The following COX16 variants were observed in gnomAD, a reference collection of about 807,000 sequenced individuals.
COX16 encodes cytochrome c oxidase assembly protein COX16 homolog, mitochondrial.
A neutral mutation model predicts 15.4 loss-of-function variants in COX16; 12 were observed. The observed-to-expected ratio is 0.78, with a 90% CI of 0.50 to 1.26. COX16 has a LOEUF of 1.26. Among genes scored for constraint, COX16 ranks in the 50% most tolerant of loss-of-function variants. COX16 has a pLI of 0.00. For synonymous variants in COX16, 46 were observed against 41.1 expected (o/e 1.12, Z -0.46); for missense variants, 124 against 127.6 (o/e 0.97, Z 0.14).
At chr14:70,342,813 A>G (rs1270287368) in intron 1 of COX16, 84 bp from the exon 2 acceptor site, 1 of 1,414,414 alleles carries the variant, frequency 7.1e-7, no homozygotes. Context: ...TTTCTAAACA[A>G]CAATAGAGGC....
At chr14:70,352,182 TTTTA>T (rs996844509) in intron 1 of COX16, among the ~76,000 whole-genome samples, 2 of 152,172 alleles carry the variant, frequency 1.3e-5, no homozygotes, top group South Asian at 2.1e-4. Context: ...GTCTGTACTT[TTTTA>T]TTTATTTATT....
chr14:70,350,378 C>A (rs1403306223), intron 1 of COX16, among the ~76,000 whole-genome samples: 4 of 152,186 alleles, frequency 2.6e-5, no homozygotes, highest in African/African-American at 9.7e-5. Flanking sequence ...TTTTAGGCCT[C>A]AGCCCGCCTG....
At position 70,329,216 on chromosome 14, in the gene COX16, T is replaced by C. The variant is rs1227640492; in HGVS notation, c.162A>G (p.Lys54=). The change falls in exon 3 of 4, where the codon AAA becomes AAG. Residue 54 remains lysine, a synonymous_variant. Coordinates refer to ENST00000389912, the MANE Select transcript of COX16 (RefSeq NM_016468.7). ...VKSKMDPELE[K]KLKENKISLE... is the part of the protein sequence containing the mutation. ...AAGATATTTTATTCTCTTTCAGTTTTTTTTCAAGCTCAGGATCCATCTGTA... is the reference window on the plus strand; with the variant it reads ...AAGATATTTTATTCTCTTTCAGTTTCTTTTCAAGCTCAGGATCCATCTGTA... The C allele has an allele frequency of 1.2e-6, 2 of 1,607,952 alleles. No homozygotes were observed. Among genetic ancestry groups the C allele is most frequent in the East Asian group, 2.2e-5 (1 of 44,502 alleles).
chr14:70,330,158 G>GA (rs1566596645), intron 2 of COX16, among the ~76,000 whole-genome samples: 2 of 151,948 alleles, frequency 1.3e-5, no homozygotes, highest in South Asian at 4.1e-4. Flanking sequence ...TTGATTAAGA[G>GA]AAAAAAGAGA....
intron 1 of COX16, among the ~76,000 whole-genome samples, chr14:70,349,716 C>T (rs1886889412): frequency 1.3e-5 from 2 of 152,186 alleles, no homozygotes; most frequent in African/African-American, 2.4e-5. Flanking sequence ...TTTTATAGTC[C>T]CTTTGCAATC....
intron 1 of COX16, among the ~76,000 whole-genome samples, chr14:70,358,741 T>A (rs1373444413): frequency 6.6e-6 from 1 of 152,176 alleles, no homozygotes; most frequent in Non-Finnish European, 1.5e-5. Flanking sequence ...TACTAACACA[T>A]CAAGGCTTGC....
chr14:70,325,209 A>C lies in COX16; in HGVS notation c.*1124T>G, dbSNP rs1170777149. On this transcript the variant is annotated 3_prime_UTR_variant, in exon 4 of 4. Coordinates refer to ENST00000389912, the MANE Select transcript of COX16 (RefSeq NM_016468.7). Reference sequence around the variant, plus strand: ...ACAGGAGTGTTTCAATGGAGACTTTAGGCAACTAGAACTCAGCATGAAACC... The same window carrying C: ...ACAGGAGTGTTTCAATGGAGACTTTCGGCAACTAGAACTCAGCATGAAACC... The C allele has an allele frequency of 2.0e-5, 3 of 152,218 alleles. No individual in the cohort carries two copies. Among genetic ancestry groups the C allele is most frequent in the Non-Finnish European group, 2.9e-5 (2 of 68,042 alleles). 9.4% of individuals were successfully genotyped at this position (152,218 alleles called of 1,614,324 possible). A position where few individuals can be genotyped will look rare whatever the true frequency, so the allele number is the denominator to read the frequency against.
intron 2 of COX16, among the ~76,000 whole-genome samples, chr14:70,338,143 T>C (rs1446632932): frequency 6.6e-6 from 1 of 152,226 alleles, no homozygotes; most frequent in Non-Finnish European, 1.5e-5. Flanking sequence ...AGACAGGGTC[T>C]CGCTCTGTCA....
At chr14:70,328,412 G>C (rs1886163525) in intron 3 of COX16, among the ~76,000 whole-genome samples, 1 of 151,972 alleles carries the variant, frequency 6.6e-6, no homozygotes, top group Non-Finnish European at 1.5e-5. Context: ...AAAATGACCA[G>C]ACATATACAA....
At chr14:70,332,820 C>T (rs988079941) in intron 2 of COX16, among the ~76,000 whole-genome samples, 1 of 152,216 alleles carries the variant, frequency 6.6e-6, no homozygotes, top group African/African-American at 2.4e-5. Context: ...ACCCATCCTG[C>T]CTATGCAGAG....
At chr14:70,345,210 G>A (rs1303756783) in intron 1 of COX16, among the ~76,000 whole-genome samples, 2 of 152,186 alleles carry the variant, frequency 1.3e-5, no homozygotes, top group African/African-American at 4.8e-5. Flanking sequence ...TTCCTCAGGG[G>A]CCCAGTTAGC....
Position 70,346,967 on chromosome 14 carries a change from C to T in COX16, c.70-4238G>A, listed in dbSNP as rs112264684. Among the ~76,000 whole-genome samples the T allele has an allele frequency of 8.7e-3, 1,321 of 152,218 alleles. 11 individuals are homozygous for T. The highest frequency in any genetic ancestry group is 0.014 in the Non-Finnish European group (980 of 68,004). ...CCTCGGGGCATCTAACTTTCTTCTACTCCTCCAACCTGCCACCTTAAAACA... is the reference window on the plus strand; with the variant it reads ...CCTCGGGGCATCTAACTTTCTTCTATTCCTCCAACCTGCCACCTTAAAACA... On this transcript the variant is annotated intron_variant, in intron 1 of 3. Coordinates refer to ENST00000389912, the MANE Select transcript of COX16 (RefSeq NM_016468.7).
intron 2 of COX16, among the ~76,000 whole-genome samples, chr14:70,330,811 TTTC>T (rs779981631): frequency 1.1e-4 from 17 of 152,160 alleles, no homozygotes; most frequent in Non-Finnish European, 2.2e-4. Context: ...GATTGCACAA[TTTC>T]TTATCTATTA....
chr14:70,356,853 C>A (rs997557605), intron 1 of COX16, among the ~76,000 whole-genome samples: 3 of 151,950 alleles, frequency 2.0e-5, no homozygotes, highest in Non-Finnish European at 4.4e-5. Flanking sequence ...ACAGTATTTA[C>A]CTAAGAAAAA....
intron 2 of COX16, among the ~76,000 whole-genome samples, chr14:70,338,522 C>T (rs756976067): frequency 4.6e-5 from 7 of 152,178 alleles, no homozygotes; most frequent in Non-Finnish European, 7.3e-5. Context: ...ATAGAAAGCA[C>T]GATCCTTGGT....
chr14:70,353,471 T>C (rs1257946301), intron 1 of COX16, among the ~76,000 whole-genome samples: 2 of 145,406 alleles, frequency 1.4e-5, no homozygotes, highest in Non-Finnish European at 3.0e-5. Flanking sequence ...AATATATATA[T>C]ATACATACAC....
At chr14:70,327,586 C>G (rs1400682838) in intron 3 of COX16, among the ~76,000 whole-genome samples, 1 of 151,790 alleles carries the variant, frequency 6.6e-6, no homozygotes. Context: ...CAAAATTCAA[C>G]TAATTTAGCA....
intron 1 of COX16, among the ~76,000 whole-genome samples, chr14:70,345,695 C>T (rs899516857): frequency 6.6e-6 from 1 of 152,138 alleles, no homozygotes; most frequent in Non-Finnish European, 1.5e-5. Flanking sequence ...GAAGAAATTC[C>T]TTATGTCCAG....
intron 1 of COX16, among the ~76,000 whole-genome samples, chr14:70,355,329 C>G (rs1284817009): frequency 6.6e-6 from 1 of 152,214 alleles, no homozygotes; most frequent in African/African-American, 2.4e-5. Context: ...CAGAGTCACT[C>G]TTTCTTAGTC....
Sources: gnomAD v4.1 joint callset for allele counts (sites outside exome capture counted in the v4.1 genomes callset) on GRCh38, gnomAD v4.1.1 for gene constraint, MANE v1.5 for transcripts, NCBI Gene and HGNC (gene_info 2026-07-23, HGNC 2026-07-21) for gene names.